ZBTB38: variants seen among roughly 807,000 people sequenced by gnomAD.
The protein encoded by ZBTB38 is zinc finger and BTB domain containing 38.
In ZBTB38, 20 loss-of-function variants were observed where a neutral mutation model predicts 76.8. The observed-to-expected ratio is 0.26, with a 90% CI of 0.18 to 0.38. ZBTB38 has a LOEUF of 0.38. ZBTB38 is among the 10% of genes least tolerant of loss of function. ZBTB38 has a pLI of 1.00. For synonymous variants in ZBTB38, 504 were observed against 544.2 expected, an observed-to-expected ratio of 0.93 and a Z score of 1.03; for missense variants, 1,082 against 1,482.3, an observed-to-expected ratio of 0.73 and a Z score of 4.43.
chr3:141,421,260 G>A (rs1312119423), intron 5 of ZBTB38, among the ~76,000 whole-genome samples: 1 of 151,312 alleles, frequency 6.6e-6, no homozygotes, highest in African/African-American at 2.4e-5. Flanking sequence ...GTGGAACCAG[G>A]AGTCTAGAAA....
At chr3:141,373,194 A>G (rs923797617) in intron 2 of ZBTB38, among the ~76,000 whole-genome samples, 1 of 152,262 alleles carries the variant, frequency 6.6e-6, no homozygotes, top group African/African-American at 2.4e-5. Context: ...GACATTTCAA[A>G]AAAAGCATCA....
At chr3:141,422,383 C>T (rs2075593732) in intron 5 of ZBTB38, among the ~76,000 whole-genome samples, 1 of 152,230 alleles carries the variant, frequency 6.6e-6, no homozygotes, top group Non-Finnish European at 1.5e-5. Context: ...GAGCATAAGT[C>T]ACCTTACTGC....
At chr3:141,346,501 T>G (rs1269690498) in intron 1 of ZBTB38, among the ~76,000 whole-genome samples, 1 of 152,212 alleles carries the variant, frequency 6.6e-6, no homozygotes, top group Non-Finnish European at 1.5e-5. Flanking sequence ...ACAGTTCCCT[T>G]TCATTCATCC....
chr3:141,394,499 C>T (rs1174708726), intron 4 of ZBTB38: 1 of 152,202 alleles, frequency 6.6e-6, no homozygotes, highest in African/African-American at 2.4e-5. Context: ...TGCTTTTGGT[C>T]ATCTACAAAG....
rs2080859331 is a variant in ZBTB38 at position 141,444,730 on chromosome 3, C to A, written c.2342C>A (p.Thr781Lys). 1 of 1,614,102 alleles carries A rather than the reference C, an allele frequency of 6.2e-7. No homozygotes were observed. The highest frequency in any genetic ancestry group is 8.5e-7 in the Non-Finnish European group (1 of 1,180,034). The change falls in exon 6 of 6, where the codon ACA (threonine) becomes AAA (lysine). Residue 781 changes from threonine (T) to lysine (K), a missense_variant. Transcript: ENST00000321464. The surrounding 1 kb of genome is among the most constrained non-coding windows in gnomAD (Gnocchi z 5.1). ...AGCATTAAGGAGAAAAAGAAAACTA[C>A]ATCACATACCAGGGGAGAAATACCG... Reference protein sequence around the residue: ...PKSIKEKKKTTSHTRGEIPEE... With the variant: ...PKSIKEKKKTKSHTRGEIPEE...
intron 1 of ZBTB38, chr3:141,324,557 C>T (rs1461537207): frequency 6.6e-6 from 1 of 152,162 alleles, no homozygotes; most frequent in Admixed American, 6.5e-5. Flanking sequence ...ACCCTTGGAA[C>T]AGATAGGAAA....
chr3:141,362,519 A>G (rs1269289213), intron 1 of ZBTB38, among the ~76,000 whole-genome samples: 1 of 152,224 alleles, frequency 6.6e-6, no homozygotes, highest in African/African-American at 2.4e-5. Context: ...CATTGCACTA[A>G]GCACTTTACA....
At chr3:141,349,692 T>C (rs1234567548) in intron 1 of ZBTB38, among the ~76,000 whole-genome samples, 1 of 152,074 alleles carries the variant, frequency 6.6e-6, no homozygotes, top group East Asian at 1.9e-4. Context: ...ATCATGCCAC[T>C]GCACTCCAGC....
chr3:141,444,580 A>G lies in ZBTB38; in HGVS notation c.2192A>G (p.Asn731Ser), dbSNP rs761081530. Residue 731 changes from asparagine to serine, a missense_variant, in exon 6 of 6, where the codon AAT becomes AGT. Physicochemically the swap from Asn to Ser is conservative, Grantham distance 46 (BLOSUM62 1). Coordinates refer to ENST00000321464, the MANE Select transcript of ZBTB38 (RefSeq NM_001376113.1). This position sits in a 1 kb window ranked among gnomAD's most constrained non-coding sequence, Gnocchi z 5.1. ...TTTTCATCGGTGATCATGCACAGCA[A>G]TGCCATTGCTGCCATGACCAGCAGC... ...SQFSSVIMHS[N>S]AIAAMTSSNH... 4 of 1,614,200 alleles carry G rather than the reference A, an allele frequency of 2.5e-6. No individual in the cohort carries two copies. The highest frequency in any genetic ancestry group is 1.3e-5 in the African/African-American group (1 of 75,048).
At chr3:141,410,836 G>A (rs1956376405) in intron 5 of ZBTB38, among the ~76,000 whole-genome samples, 1 of 152,152 alleles carries the variant, frequency 6.6e-6, no homozygotes, top group Non-Finnish European at 1.5e-5. Context: ...TTTACGCAGG[G>A]AGAGAGGAAG....
At chr3:141,327,680 T>G (rs1942714150) in intron 1 of ZBTB38, among the ~76,000 whole-genome samples, 1 of 152,210 alleles carries the variant, frequency 6.6e-6, no homozygotes, top group Non-Finnish European at 1.5e-5. Context: ...GCTTGGACTT[T>G]AGTTAATGAT....
At chr3:141,335,494 T>C (rs112006918) in intron 1 of ZBTB38, among the ~76,000 whole-genome samples, 213 of 152,352 alleles carry the variant, frequency 1.4e-3, no homozygotes, top group African/African-American at 3.7e-3. Flanking sequence ...GTGTGAATGT[T>C]CCTCATAACT....
intron 1 of ZBTB38, among the ~76,000 whole-genome samples, chr3:141,341,041 G>A (rs957728280): frequency 6.6e-6 from 1 of 151,174 alleles, no homozygotes; most frequent in Admixed American, 6.6e-5. Context: ...TGGTTAATAA[G>A]CGCATGAAAA....
At chr3:141,424,576 G>GCTAA (rs1233116981) in intron 5 of ZBTB38, among the ~76,000 whole-genome samples, 1 of 152,052 alleles carries the variant, frequency 6.6e-6, no homozygotes, top group East Asian at 1.9e-4. Flanking sequence ...TAGAAGAGAT[G>GCTAA]CTAACAATGC....
intron 4 of ZBTB38, among the ~76,000 whole-genome samples, chr3:141,390,749 CTA>C (rs1948623396): frequency 6.6e-6 from 1 of 152,180 alleles, no homozygotes; most frequent in Non-Finnish European, 1.5e-5. Flanking sequence ...TGAGCATCTG[CTA>C]CATGCCAGGC....
At chr3:141,364,432 C>G (rs1943902294), upstream of ZBTB38, among the ~76,000 whole-genome samples, 1 of 151,728 alleles carries the variant, frequency 6.6e-6, no homozygotes, top group Admixed American at 6.6e-5. Context: ...AATCCCAGCA[C>G]TTTGGGAGGC....
chr3:141,344,167 T>G (rs1943274098), intron 1 of ZBTB38, among the ~76,000 whole-genome samples: 1 of 152,222 alleles, frequency 6.6e-6, no homozygotes, highest in African/African-American at 2.4e-5. Context: ...ACCGAAAACT[T>G]GGTGGCTTAA....
chr3:141,394,710 T>C (rs1379546447), intron 4 of ZBTB38, among the ~76,000 whole-genome samples: 1 of 152,180 alleles, frequency 6.6e-6, no homozygotes, highest in Non-Finnish European at 1.5e-5. Flanking sequence ...TTCTGATTGT[T>C]TGAATCGCTT....
intron 1 of ZBTB38, among the ~76,000 whole-genome samples, chr3:141,342,192 G>T (rs1943216162): frequency 6.6e-6 from 1 of 152,004 alleles, no homozygotes; most frequent in Non-Finnish European, 1.5e-5. Flanking sequence ...AGGCGTGGTG[G>T]TGCGTGCCTA....
Sources: gnomAD v4.1 joint callset for allele counts (sites outside exome capture counted in the v4.1 genomes callset) on GRCh38, gnomAD v4.1.1 for gene constraint, Gnocchi (gnomAD v3.1) non-coding constraint, MANE v1.5 for transcripts, NCBI Gene and HGNC (gene_info 2026-07-23, HGNC 2026-07-21) for gene names.